SEMA3A: variants seen among roughly 807,000 people sequenced by gnomAD.
The protein encoded by SEMA3A is semaphorin-3A.
A neutral mutation model predicts 97.9 loss-of-function variants in SEMA3A; 29 were observed. The ratio of observed to expected loss-of-function variants is 0.30; its 90% CI spans 0.22 to 0.40. The LOEUF (loss-of-function observed/expected upper bound fraction) is 0.40. SEMA3A is among the 10% of genes least tolerant of loss of function. SEMA3A has a pLI of 1.00. For missense variants in SEMA3A, 763 were observed against 951.3 expected, an observed-to-expected ratio of 0.80 and a Z score of 2.60; for synonymous variants, 321 against 323.7, an observed-to-expected ratio of 0.99 and a Z score of 0.09.
chr7:84,276,644 C>T (rs1405057290), intron 3 of SEMA3A, among the ~76,000 whole-genome samples: 1 of 151,944 alleles, frequency 6.6e-6, no homozygotes, highest in African/African-American at 2.4e-5. Context: ...CATTCCAGCC[C>T]TTCTTTTGTT....
At chr7:84,341,081 G>T (rs747183120) in intron 2 of SEMA3A, among the ~76,000 whole-genome samples, 9 of 152,084 alleles carry the variant, frequency 5.9e-5, no homozygotes, top group Non-Finnish European at 1.0e-4. Flanking sequence ...AAGAAAAACA[G>T]ATAAATGGAT....
Position 83,967,343 on chromosome 7 carries a change from A to C in SEMA3A, c.1718-3996T>G, listed in dbSNP as rs374838415. Reference sequence around the variant, plus strand: ...TAGAAATCCATTAACAATGTGTTCTATCTCCCTCCAGCCCCCTTCTCTCCC... The same window carrying C: ...TAGAAATCCATTAACAATGTGTTCTCTCTCCCTCCAGCCCCCTTCTCTCCC... On this transcript the variant is annotated intron_variant, in intron 15 of 16. Coordinates refer to ENST00000265362, the MANE Select transcript of SEMA3A (RefSeq NM_006080.3). Among the ~76,000 whole-genome samples, 20 of 152,318 alleles carry C rather than the reference A, an allele frequency of 1.3e-4. 1 individual carries two copies. The highest frequency in any genetic ancestry group is 4.6e-4 in the African/African-American group (19 of 41,574).
At chr7:84,332,742 A>C (rs1370514115) in intron 2 of SEMA3A, among the ~76,000 whole-genome samples, 1 of 152,022 alleles carries the variant, frequency 6.6e-6, no homozygotes, top group Non-Finnish European at 1.5e-5. Context: ...TAGAAGAAAA[A>C]ATAATTTATT....
rs756176247 is a variant in SEMA3A, at chr7:84,315,403, C to T, written c.-168-8111G>A. On this transcript the variant is annotated intron_variant, in intron 2 of 3. Coordinates refer to the SEMA3A transcript ENST00000424555. ...TTGGATGATCGACACAATAACAATA[C>T]GCAGGATTTTGAGCTCTATTTTTAA... Among the ~76,000 whole-genome samples, 37 of 152,034 alleles carry T rather than the reference C, an allele frequency of 2.4e-4. No homozygotes were observed. The Middle Eastern group carries it at 0.01, about 42-fold the overall frequency.
rs200705919 is a variant in SEMA3A, at chr7:84,218,833, T to A, written c.-82-24165A>T. On this transcript the variant is annotated intron_variant, in intron 3 of 3. Transcript: ENST00000424555. ...GACATACAATATTCTATATTTAACC[T>A]CCCCATCATATTACTCTATGCCTTC... 7.2e-5 allele frequency among the ~76,000 whole-genome samples: 11 copies of A among 152,174 alleles called. No individual in the cohort carries two copies. The East Asian group carries it at 2.1e-3, about 29-fold the overall frequency.
At chr7:84,206,563 C>A (rs1211848869) in intron 3 of SEMA3A, among the ~76,000 whole-genome samples, 1 of 152,038 alleles carries the variant, frequency 6.6e-6, no homozygotes, top group African/African-American at 2.4e-5. Flanking sequence ...ACCTCGTGAT[C>A]CGCCCGCCTC....
In SEMA3A at chr7:84,023,762, G is replaced by A. The variant is rs1562979454; in HGVS notation, c.668-9411C>T. Among the ~76,000 whole-genome samples, 5 of 152,286 alleles carry A rather than the reference G, an allele frequency of 3.3e-5. 1 individual carries two copies. Among genetic ancestry groups the A allele is most frequent in the Admixed American group, 3.3e-4 (5 of 15,300 alleles). On this transcript the variant is annotated intron_variant, in intron 6 of 16. Transcript: ENST00000265362. ...GCTATGGCTCACGCCTGTAATCCCAGCACTTTGGGAGGCCGAGGCGGGTGG... is the reference window on the plus strand; with the variant it reads ...GCTATGGCTCACGCCTGTAATCCCAACACTTTGGGAGGCCGAGGCGGGTGG...
intron 3 of SEMA3A, among the ~76,000 whole-genome samples, chr7:84,283,245 G>A (rs865976566): frequency 3.3e-5 from 5 of 151,984 alleles, no homozygotes; most frequent in Middle Eastern, 3.4e-3. Context: ...GCAGTATACC[G>A]ATGAACACAT....
intron 4 of SEMA3A, among the ~76,000 whole-genome samples, chr7:84,061,177 G>A (rs1272422770): frequency 6.6e-6 from 1 of 152,172 alleles, no homozygotes; most frequent in Non-Finnish European, 1.5e-5. Flanking sequence ...CAGGTTAGGA[G>A]AGCAGTGTGC....
At chr7:84,124,928 CT>C (rs1207631811) in intron 3 of SEMA3A, among the ~76,000 whole-genome samples, 1 of 151,602 alleles carries the variant, frequency 6.6e-6, no homozygotes, top group Non-Finnish European at 1.5e-5. Flanking sequence ...TAAAATATAT[CT>C]TGCATAAAAA....
intron 3 of SEMA3A, among the ~76,000 whole-genome samples, chr7:84,210,009 A>C (rs1798587614): frequency 6.6e-6 from 1 of 152,190 alleles, no homozygotes; most frequent in South Asian, 2.1e-4. Flanking sequence ...AATAATGTAC[A>C]TGTTCAATTT....
chr7:84,366,514 T>G (rs1365384224), intron 2 of SEMA3A, among the ~76,000 whole-genome samples: 1 of 151,440 alleles, frequency 6.6e-6, no homozygotes. Context: ...ATCAAGTTTC[T>G]AAGCAAACCA....
intron 2 of SEMA3A, among the ~76,000 whole-genome samples, chr7:84,342,672 C>T (rs1263826350): frequency 1.3e-5 from 2 of 152,120 alleles, no homozygotes; most frequent in African/African-American, 4.8e-5. Flanking sequence ...ACACTATTTG[C>T]TATGGTTGGC....
At chr7:84,177,616 AT>A (rs1249813284) in intron 1 of SEMA3A, among the ~76,000 whole-genome samples, 13 of 152,228 alleles carry the variant, frequency 8.5e-5, no homozygotes, top group Non-Finnish European at 1.9e-4. Context: ...AACCCTAGTA[AT>A]TTTTATCCAA....
intron 5 of SEMA3A, among the ~76,000 whole-genome samples, chr7:84,053,087 A>G (rs1792760343): frequency 6.9e-6 from 1 of 144,808 alleles, no homozygotes; most frequent in South Asian, 2.4e-4. Flanking sequence ...ATAGTTTGTT[A>G]TAATTTCTGT....
In SEMA3A at chr7:84,110,593, T is replaced by A. The variant is rs752302435; in HGVS notation, c.334-4A>T. 4 of 1,613,426 alleles carry A rather than the reference T, an allele frequency of 2.5e-6. No individual in the cohort carries two copies. The highest frequency in any genetic ancestry group is 2.5e-6 in the Non-Finnish European group (3 of 1,179,614). ...TGATGAAATTAGCACATTCTTTCTG[T>A]AAGACAAAAGGAAAACCAAAGAGTT... On this transcript the variant is annotated splice_polypyrimidine_tract_variant and splice_region_variant and intron_variant, in intron 3 of 16. Coordinates refer to ENST00000265362, the MANE Select transcript of SEMA3A (RefSeq NM_006080.3).
chr7:84,484,980 C>G (rs1038480870), intron 1 of SEMA3A, among the ~76,000 whole-genome samples: 18 of 152,120 alleles, frequency 1.2e-4, no homozygotes, highest in South Asian at 2.1e-4. Context: ...GATTAGTCAT[C>G]TGAATAAATT....
At chr7:84,146,768 T>C (rs933518467) in intron 1 of SEMA3A, among the ~76,000 whole-genome samples, 1 of 152,188 alleles carries the variant, frequency 6.6e-6, no homozygotes, top group Non-Finnish European at 1.5e-5. Context: ...TTTTATTTAA[T>C]GCTTTGAGTG....
intron 1 of SEMA3A, among the ~76,000 whole-genome samples, chr7:84,388,366 C>G (rs1343920195): frequency 6.6e-6 from 1 of 151,974 alleles, no homozygotes; most frequent in Non-Finnish European, 1.5e-5. Flanking sequence ...TTTTTGAAGA[C>G]TCAAAGAATT....
Sources: allele counts gnomAD v4.1 joint callset (sites outside exome capture counted in the v4.1 genomes callset), GRCh38; gene constraint gnomAD v4.1.1; transcripts MANE v1.5; gene names NCBI Gene and HGNC (gene_info 2026-07-23, HGNC 2026-07-21).